Variants in PIK3C3 observed in about 807,000 individuals in gnomAD.
The protein encoded by PIK3C3 is phosphatidylinositol 3-kinase catalytic subunit type 3, also known as PI3-kinase type 3.
A neutral mutation model predicts 126.1 loss-of-function variants in PIK3C3; 95 were observed. That is an observed-to-expected ratio of 0.75 (90% CI 0.64 to 0.89). PIK3C3 has a LOEUF of 0.89. PIK3C3 is among the 40% of genes least tolerant of loss of function. The pLI is 0.00. For synonymous variants in PIK3C3, 374 were observed against 360.0 expected, an observed-to-expected ratio of 1.04 and a Z score of -0.44; for missense variants, 829 against 1,063.2, an observed-to-expected ratio of 0.78 and a Z score of 3.06.
At chr18:42,029,883 A>G (rs1314545144) in intron 15 of PIK3C3, among the ~76,000 whole-genome samples, 1 of 152,066 alleles carries the variant, frequency 6.6e-6, no homozygotes, top group Non-Finnish European at 1.5e-5. Context: ...AGTAATAGGA[A>G]TGTTTTATGA....
At chr18:42,013,364 G>A in intron 10 of PIK3C3, 78 bp from the exon 11 acceptor site, 2 of 850,240 alleles carry the variant, frequency 2.4e-6, no homozygotes, top group Non-Finnish European at 3.6e-6. Flanking sequence ...ATGTTTACTT[G>A]ATATTTAGGA....
intron 24 of PIK3C3, among the ~76,000 whole-genome samples, chr18:42,068,935 G>A (rs1568010076): frequency 7.0e-6 from 1 of 143,654 alleles, no homozygotes; most frequent in Non-Finnish European, 1.5e-5. Context: ...GGGCAACAGA[G>A]CGAGACTCCG....
At chr18:42,017,531 A>G (rs1397726110) in intron 12 of PIK3C3, among the ~76,000 whole-genome samples, 1 of 152,120 alleles carries the variant, frequency 6.6e-6, no homozygotes, top group Non-Finnish European at 1.5e-5. Flanking sequence ...TCTGTGAAAG[A>G]ATTAGGGCAA....
At chr18:42,023,901 C>G (rs1983438072) in intron 13 of PIK3C3, among the ~76,000 whole-genome samples, 1 of 152,104 alleles carries the variant, frequency 6.6e-6, no homozygotes, top group Admixed American at 6.6e-5. Context: ...AGGATTCTTG[C>G]TGTAGCTAAA....
At chr18:41,956,162 A>G (rs1979761209) in intron 1 of PIK3C3, among the ~76,000 whole-genome samples, 1 of 152,188 alleles carries the variant, frequency 6.6e-6, no homozygotes, top group Non-Finnish European at 1.5e-5. Flanking sequence ...TTTCTTGTGT[A>G]TGTTCAATTA....
intron 6 of PIK3C3, among the ~76,000 whole-genome samples, chr18:41,991,188 A>C (rs896623346): frequency 1.3e-5 from 2 of 152,108 alleles, no homozygotes; most frequent in African/African-American, 4.8e-5. Context: ...TGCTTCATTT[A>C]AGTACTACAG....
chr18:41,986,772 A>C (rs1382030787), intron 4 of PIK3C3, among the ~76,000 whole-genome samples: 1 of 152,068 alleles, frequency 6.6e-6, no homozygotes, highest in Non-Finnish European at 1.5e-5. Flanking sequence ...ATACATTTTC[A>C]TATAGAAATT....
In PIK3C3 at chr18:42,083,840, T is replaced by C. The variant is rs1598970197; in HGVS notation, c.*2703T>C. 6.6e-6 allele frequency: 1 copy of C among 152,338 alleles called. No individual in the cohort carries two copies. The highest frequency in any genetic ancestry group is 2.4e-5 in the African/African-American group (1 of 41,574). The allele number at this position is 152,338 out of a possible 1,614,324, so 9.4% of individuals were successfully genotyped here. On this transcript the variant is annotated 3_prime_UTR_variant, in exon 25 of 25. Transcript: ENST00000262039. ...TCGAGTTAGACCCCAGTGATCACAG[T>C]CTTGACGATTAAATTCTTCCAGCTT...
chr18:41,992,449 C>T (rs1342343803), intron 6 of PIK3C3, among the ~76,000 whole-genome samples: 4 of 152,080 alleles, frequency 2.6e-5, no homozygotes, highest in Non-Finnish European at 4.4e-5. Context: ...GTTTGTTGCC[C>T]ATATTTAAAA....
At chr18:42,054,699 A>G (rs1170153988) in intron 21 of PIK3C3, among the ~76,000 whole-genome samples, 2 of 152,084 alleles carry the variant, frequency 1.3e-5, no homozygotes, top group African/African-American at 4.8e-5. Flanking sequence ...TTTTGCATTT[A>G]TTTTGCCCCT....
At chr18:41,980,006 G>A (rs986170673) in intron 4 of PIK3C3, among the ~76,000 whole-genome samples, 6 of 151,858 alleles carry the variant, frequency 4.0e-5, no homozygotes, top group South Asian at 2.1e-4. Flanking sequence ...ACTTCCTTCC[G>A]CCTTGAATAA....
At chr18:41,961,210 G>C (rs1480395230) in intron 2 of PIK3C3, among the ~76,000 whole-genome samples, 2 of 152,130 alleles carry the variant, frequency 1.3e-5, no homozygotes, top group African/African-American at 4.8e-5. Flanking sequence ...TATCCAAAAA[G>C]AAATTTGGAT....
In PIK3C3 at chr18:42,086,795, C is replaced by G. The variant is rs1330108938; in HGVS notation, c.*5658C>G. On this transcript the variant is annotated 3_prime_UTR_variant, in exon 25 of 25. Coordinates refer to ENST00000262039, the MANE Select transcript of PIK3C3 (RefSeq NM_002647.4). ...ATCCACCCCTTGTTTAGCATATGAT[C>G]AAGAAATAATCATTAAAAAATAGCC... The G allele has an allele frequency of 6.6e-6, 1 of 152,142 alleles. No individual in the cohort carries two copies. Among genetic ancestry groups the G allele is most frequent in the Non-Finnish European group, 1.5e-5 (1 of 68,008 alleles). 9.4% of individuals were successfully genotyped at this position (152,142 alleles called of 1,614,324 possible).
chr18:42,032,344 C>T (rs992660001), intron 15 of PIK3C3, among the ~76,000 whole-genome samples: 1 of 152,120 alleles, frequency 6.6e-6, no homozygotes, highest in Non-Finnish European at 1.5e-5. Flanking sequence ...TCATTATAGT[C>T]AATATTATTT....
intron 10 of PIK3C3, among the ~76,000 whole-genome samples, chr18:42,012,157 C>T (rs1043700281): frequency 1.1e-4 from 16 of 149,162 alleles, no homozygotes; most frequent in East Asian, 3.9e-4. Context: ...TGCTTGGGTG[C>T]AGGGTTGCTA....
intron 4 of PIK3C3, among the ~76,000 whole-genome samples, chr18:41,987,450 GA>G (rs1161272806): frequency 1.3e-5 from 2 of 151,920 alleles, no homozygotes; most frequent in African/African-American, 4.8e-5. Context: ...TGAAAGATGG[GA>G]AGAAAAGAGA....
At chr18:42,051,754 C>T (rs1450413430) in intron 21 of PIK3C3, among the ~76,000 whole-genome samples, 1 of 151,922 alleles carries the variant, frequency 6.6e-6, no homozygotes, top group African/African-American at 2.4e-5. Context: ...TTTTCATTAG[C>T]TCTTTTTTAT....
At chr18:42,076,147 CATATATATATATATGCACAT>C (rs1568013755) in intron 24 of PIK3C3, among the ~76,000 whole-genome samples, 1 of 34,220 alleles carries the variant, frequency 2.9e-5, no homozygotes, top group Non-Finnish European at 5.0e-5. Flanking sequence ...TATATATGCG[CATATATATATATATGCACAT>C]ATATATATAT....
At chr18:41,976,304 A>G (rs1014969569) in intron 4 of PIK3C3, among the ~76,000 whole-genome samples, 63 of 152,044 alleles carry the variant, frequency 4.1e-4, no homozygotes, top group Non-Finnish European at 1.0e-4. Flanking sequence ...TTTTATGTAC[A>G]TGTAGAAGTC....
Sources: allele counts gnomAD v4.1 joint callset (sites outside exome capture counted in the v4.1 genomes callset), GRCh38; gene constraint gnomAD v4.1.1; transcripts MANE v1.5; gene names NCBI Gene and HGNC (gene_info 2026-07-23, HGNC 2026-07-21).